Variants in TACC2 observed in about 807,000 individuals in gnomAD.
The protein encoded by TACC2 is transforming acidic coiled-coil-containing protein 2.
A neutral mutation model predicts 227.3 loss-of-function variants in TACC2; 137 were observed. The ratio of observed to expected loss-of-function variants is 0.60; its 90% CI spans 0.52 to 0.69. TACC2 has a LOEUF of 0.69. Among genes scored for constraint, TACC2 ranks in the 30% least tolerant of loss-of-function variants. The pLI is 0.00. For synonymous variants in TACC2, 1,523 were observed against 1,487.5 expected (o/e 1.02, Z -0.55); for missense variants, 3,470 against 3,694.4 (o/e 0.94, Z 1.57).
At chr10:122,109,242 G>A (rs183967109) in intron 5 of TACC2, among the ~76,000 whole-genome samples, 1 of 152,264 alleles carries the variant, frequency 6.6e-6, no homozygotes, top group East Asian at 1.9e-4. Context: ...TTGTATAGTG[G>A]TTGTACTGGT....
At chr10:122,193,253 G>A (rs1461682727) in intron 7 of TACC2, among the ~76,000 whole-genome samples, 3 of 152,222 alleles carry the variant, frequency 2.0e-5, no homozygotes, top group Non-Finnish European at 2.9e-5. Flanking sequence ...TCCTTGGGGG[G>A]TGGAGGGGCA....
chr10:122,215,177 T>A (rs1402424887), intron 9 of TACC2, among the ~76,000 whole-genome samples: 1 of 152,184 alleles, frequency 6.6e-6, no homozygotes, highest in African/African-American at 2.4e-5. Context: ...ATCTCCAGCT[T>A]GATGGATCTT....
intron 7 of TACC2, chr10:122,192,902 G>A: frequency 2.5e-6 from 1 of 394,164 alleles, no homozygotes. Flanking sequence ...GCAGCACCCA[G>A]GGCTCGCCAG....
At position 122,075,039 on chromosome 10, in the gene TACC2, C is replaced by T. The variant is rs556374159; in HGVS notation, c.147-7608C>T. Among the ~76,000 whole-genome samples the T allele has an allele frequency of 2.0e-5, 3 of 152,114 alleles. No individual in the cohort carries two copies. The South Asian group carries it at 6.2e-4, about 32-fold the overall frequency. ...GGTGGGGTTTGGGGAGCTAATTAAT[C>T]GCAACCCTTTCCACCAGACTCTAAA... On this transcript the variant is annotated intron_variant, in intron 3 of 22. Transcript: ENST00000369005.
At chr10:122,067,428 AAT>A (rs2077498901) in intron 3 of TACC2, among the ~76,000 whole-genome samples, 1 of 150,668 alleles carries the variant, frequency 6.6e-6, no homozygotes, top group African/African-American at 2.4e-5. Context: ...GGCTACTTTT[AAT>A]ATGTTTCACT....
At chr10:121,999,460 G>A (rs1000618299) in intron 1 of TACC2, among the ~76,000 whole-genome samples, 2 of 152,256 alleles carry the variant, frequency 1.3e-5, no homozygotes, top group African/African-American at 4.8e-5. Flanking sequence ...ATAGCAAACA[G>A]ATGAGACAAG....
chr10:122,033,267 C>T (rs1959183880), intron 2 of TACC2: 3 of 580,978 alleles, frequency 5.2e-6, no homozygotes, highest in Non-Finnish European at 8.4e-6. Flanking sequence ...TTTTCTCCTC[C>T]TCCCTCTTCC....
intron 3 of TACC2, among the ~76,000 whole-genome samples, chr10:122,073,122 AAAAAAT>A (rs1490787736): frequency 7.0e-5 from 5 of 71,482 alleles, no homozygotes; most frequent in African/African-American, 2.0e-4. Flanking sequence ...AAAAAAAAAA[AAAAAAT>A]ATATATATAT....
chr10:122,201,131 T>C (rs369735125), intron 8 of TACC2, among the ~76,000 whole-genome samples: 33 of 141,124 alleles, frequency 2.3e-4, no homozygotes, highest in East Asian at 9.4e-4. Context: ...CCACCTCACC[T>C]GCCCACAGTG....
chr10:122,081,374 A>AT (rs1213938701), intron 3 of TACC2, among the ~76,000 whole-genome samples: 12 of 150,720 alleles, frequency 8.0e-5, no homozygotes, highest in Non-Finnish European at 1.8e-4. Context: ...AAAAAAAAAA[A>AT]AAAATTAGCT....
chr10:122,250,707 T>C (rs2096237471), intron 22 of TACC2, among the ~76,000 whole-genome samples: 1 of 152,096 alleles, frequency 6.6e-6, no homozygotes. Flanking sequence ...CTGCACCATC[T>C]GTCATGGCCC....
chr10:122,220,280 AGTT>A (rs1490066215), intron 11 of TACC2, among the ~76,000 whole-genome samples: 4 of 152,208 alleles, frequency 2.6e-5, no homozygotes, highest in African/African-American at 9.7e-5. Flanking sequence ...CATATTTGAC[AGTT>A]GTTTTTTTCT....
In TACC2 at chr10:122,226,627, CAG is replaced by C. The variant is rs1460230750; in HGVS notation, c.7724+149_7724+150del. ...ATATTTTTTTTTTTTTTAATAGAGA[CAG>C]AGTCTCACCATGATGCCCAGGCTGG... On this transcript the variant is annotated intron_variant, in intron 13 of 22. Transcript: ENST00000369005. The C allele has an allele frequency of 8.1e-6, 5 of 616,342 alleles. No homozygotes were observed. The African/African-American group carries it at 9.4e-5, about 12-fold the overall frequency. 38.2% of individuals were successfully genotyped at this position (616,342 alleles called of 1,614,324 possible).
chr10:122,160,953 T>A (rs773823969), intron 7 of TACC2, among the ~76,000 whole-genome samples: 3 of 152,140 alleles, frequency 2.0e-5, no homozygotes, highest in Non-Finnish European at 2.9e-5. Flanking sequence ...TCCTGGTTCT[T>A]TTTTTTGGAG....
chr10:122,064,779 T>C (rs1360517125), intron 3 of TACC2, among the ~76,000 whole-genome samples: 1 of 152,206 alleles, frequency 6.6e-6, no homozygotes, highest in African/African-American at 2.4e-5. Flanking sequence ...GGAATCACTC[T>C]CTTTTTAGTG....
chr10:122,247,457 TCACC>T, intron 19 of TACC2: 1 of 152,382 alleles, frequency 6.6e-6, no homozygotes, highest in East Asian at 1.9e-4. Context: ...AAATGGTTCC[TCACC>T]CACCTGGGCC....
At chr10:122,102,092 G>A (rs917383204) in intron 5 of TACC2, among the ~76,000 whole-genome samples, 1 of 152,104 alleles carries the variant, frequency 6.6e-6, no homozygotes, top group East Asian at 1.9e-4. Context: ...ACTGTGTGAC[G>A]CTTCACCCGT....
At chr10:122,192,639 G>A in intron 7 of TACC2, 1 of 453,750 alleles carries the variant, frequency 2.2e-6, no homozygotes, top group Non-Finnish European at 4.5e-6. Context: ...GGGGAATTAG[G>A]GGTGGGAATT....
chr10:122,115,297 T>A (rs61871539), intron 5 of TACC2, among the ~76,000 whole-genome samples: 113,145 of 151,328 alleles, frequency 0.75, 44,632 homozygotes, highest in East Asian at 0.93. Context: ...TGTGTGTGTG[T>A]GTGTGTGTGT....
Sources: gnomAD v4.1 joint callset for allele counts (sites outside exome capture counted in the v4.1 genomes callset) on GRCh38, gnomAD v4.1.1 for gene constraint, MANE v1.5 for transcripts, NCBI Gene and HGNC (gene_info 2026-07-23, HGNC 2026-07-21) for gene names.